LMNB2: variants seen among roughly 807,000 people sequenced by gnomAD.
LMNB2 encodes lamin-B2.
LMNB2 carries 17 observed loss-of-function variants against 69.3 expected under a neutral mutation model. That is an observed-to-expected ratio of 0.25 (90% CI 0.17 to 0.37). The LOEUF (loss-of-function observed/expected upper bound fraction) is 0.37. Among genes scored for constraint, LMNB2 ranks in the 10% least tolerant of loss-of-function variants. The pLI, the probability that LMNB2 is intolerant of heterozygous loss-of-function variation, is 1.00. For missense variants in LMNB2, 789 were observed against 883.6 expected (o/e 0.89, Z 1.36); for synonymous variants, 397 against 389.3 (o/e 1.02, Z -0.23).
In LMNB2 at chr19:2,447,576, C is replaced by T. The variant is rs1339843143; in HGVS notation, c.265-3036G>A. Among the ~76,000 whole-genome samples the T allele has an allele frequency of 6.6e-6, 1 of 152,166 alleles. No individual in the cohort carries two copies. Among genetic ancestry groups the T allele is most frequent in the Non-Finnish European group, 1.5e-5 (1 of 68,020 alleles). ...CTTATGAGGCGGGAATTAACTGCTC[C>T]GGCTCTGGCGCTGAGGAAAAGGAGG... On this transcript the variant is annotated intron_variant, in intron 1 of 11. Transcript: ENST00000325327. The surrounding 1 kb of genome is among the most constrained non-coding windows in gnomAD (Gnocchi z 4.4).
chr19:2,431,425 A>T, intron 11 of LMNB2, 123 bp downstream of exon 11: 2 of 1,274,398 alleles, frequency 1.6e-6, no homozygotes, highest in Non-Finnish European at 2.3e-6. Context: ...CTTCACCCTG[A>T]GCCACGGCAG....
intron 4 of LMNB2, among the ~76,000 whole-genome samples, chr19:2,435,562 G>A (rs1243061570): frequency 6.6e-6 from 1 of 152,182 alleles, no homozygotes; most frequent in Non-Finnish European, 1.5e-5. Flanking sequence ...CTGCTGATGG[G>A]GAGGGGGTTC....
intron 2 of LMNB2, among the ~76,000 whole-genome samples, chr19:2,442,589 T>G (rs906573352): frequency 7.2e-5 from 11 of 151,744 alleles, no homozygotes; most frequent in African/African-American, 2.7e-4. Context: ...AAATAAAAAA[T>G]AAAAAAAATT....
At position 2,455,875 on chromosome 19, in the gene LMNB2, G is replaced by A. The variant is rs1402193189; in HGVS notation, c.264+795C>T. ...CCTGCTCAGGGTCCCCCGTGATCGC[G>A]TACTCCGCGGTGGGCTGGGCCTGGC... On this transcript the variant is annotated intron_variant, in intron 1 of 11. Transcript: ENST00000325327. 2.0e-5 allele frequency among the ~76,000 whole-genome samples: 3 copies of A among 151,584 alleles called. No homozygotes were observed. The East Asian group carries it at 5.9e-4, about 30-fold the overall frequency.
At chr19:2,432,333 C>T (rs1321433248) in intron 9 of LMNB2, 83 bp downstream of exon 9, 17 of 906,200 alleles carry the variant, frequency 1.9e-5, no homozygotes, top group African/African-American at 8.2e-5. Flanking sequence ...CACCCACCCC[C>T]GCCAAGTCCT....
chr19:2,438,020 C>A (rs947901258), intron 4 of LMNB2, 143 bp downstream of exon 4: 21 of 1,249,882 alleles, frequency 1.7e-5, no homozygotes, highest in African/African-American at 1.2e-4. Context: ...GCCAAGGGCA[C>A]CCTAAGAGGC....
At chr19:2,432,391 C>A in intron 9 of LMNB2, 25 bp downstream of exon 9, 1 of 1,598,384 alleles carries the variant, frequency 6.3e-7, no homozygotes, top group Non-Finnish European at 8.5e-7. Flanking sequence ...CGTGGCCACC[C>A]TCGCCCTCCT....
At chr19:2,449,893 T>C (rs1421276454) in intron 1 of LMNB2, among the ~76,000 whole-genome samples, 2 of 151,860 alleles carry the variant, frequency 1.3e-5, no homozygotes, top group Non-Finnish European at 2.9e-5. Flanking sequence ...CTGACCAACA[T>C]GGAGAAACCC....
intron 2 of LMNB2, among the ~76,000 whole-genome samples, chr19:2,439,242 C>T (rs778321156): frequency 1.3e-5 from 2 of 151,906 alleles, no homozygotes; most frequent in African/African-American, 2.4e-5. Flanking sequence ...TACCCCCTCC[C>T]GACAGGGAAC....
At chr19:2,434,640 C>T (rs1971796997) in intron 6 of LMNB2, 125 bp from the exon 7 acceptor site, 7 of 1,494,756 alleles carry the variant, frequency 4.7e-6, no homozygotes, top group Admixed American at 2.0e-5. Context: ...GGGCATGGGG[C>T]GCACGGGAGG....
intron 10 of LMNB2, 24 bp downstream of exon 10, chr19:2,431,759 A>T (rs765459080): frequency 6.2e-7 from 1 of 1,612,042 alleles, no homozygotes. Flanking sequence ...CCAGCCGAGC[A>T]CCCCCCAAGC....
In LMNB2 at chr19:2,447,345, A is replaced by G. The variant is rs930159868; in HGVS notation, c.265-2805T>C. Among the ~76,000 whole-genome samples the G allele has an allele frequency of 4.6e-5, 7 of 152,190 alleles. No homozygotes were observed. The highest frequency in any genetic ancestry group is 3.9e-4 in the Admixed American group (6 of 15,278). ...AAAACGCCACACAGTGTGTAATCCC[A>G]TTTCCATGAAATGTCCAGGTCAGGC... is the stretch of plus-strand genomic sequence containing the variant. On this transcript the variant is annotated intron_variant, in intron 1 of 11. Coordinates refer to ENST00000325327, the MANE Select transcript of LMNB2 (RefSeq NM_032737.4). The surrounding 1 kb of genome is among the most constrained non-coding windows in gnomAD (Gnocchi z 4.4).
Position 2,435,106 on chromosome 19 carries a change from C to T in LMNB2, c.750G>A (p.Gln250=). ...RLVEVDSSRQ[Q]EYDFKMAQAL... The stretch of plus-strand genomic sequence containing the variant: ...CCTGTGCCATCTTGAAGTCGTACTC[C>T]TGCTGCCGGCTGCTGTCCACCTCCA... The change falls in exon 5 of 12, where the codon CAG becomes CAA. Residue 250 remains glutamine (Q), a synonymous_variant. Transcript: ENST00000325327. 6.2e-7 allele frequency: 1 copy of T among 1,608,882 alleles called. No homozygotes were observed. Among genetic ancestry groups the T allele is most frequent in the South Asian group, 1.1e-5 (1 of 91,082 alleles).
At chr19:2,432,133 C>G (rs1024816161) in intron 9 of LMNB2, among the ~76,000 whole-genome samples, 1 of 152,146 alleles carries the variant, frequency 6.6e-6, no homozygotes, top group African/African-American at 2.4e-5. Flanking sequence ...CTGACACCCA[C>G]CAGGCTCCAT....
In LMNB2 at chr19:2,434,772, G is replaced by C. The variant is rs1157971397; in HGVS notation, c.981+16C>G. 1 of 1,598,772 alleles carries C rather than the reference G, an allele frequency of 6.3e-7. No homozygotes were observed. The highest frequency in any genetic ancestry group is 1.7e-5 in the Admixed American group (1 of 58,234). On this transcript the variant is annotated intron_variant, in intron 6 of 11. Transcript: ENST00000325327. ...TGGGCCAGGGGGACGGCAGACGGTG[G>C]CGCTGTGCTCATCACCTGCTTCTGG...
chr19:2,430,920 G>A lies in LMNB2; in HGVS notation c.1854C>T (p.Tyr618=), dbSNP rs377605893. The A allele has an allele frequency of 3.6e-5, 58 of 1,605,044 alleles. No homozygotes were observed. Among genetic ancestry groups the A allele is most frequent in the African/African-American group, 4.0e-5 (3 of 74,698 alleles). The change falls in exon 12 of 12, where the codon TAC becomes TAT. Residue 618 remains tyrosine (Y), a synonymous_variant. Coordinates refer to ENST00000325327, the MANE Select transcript of LMNB2 (RefSeq NM_032737.4). ...GDPRTTSRGC[Y]VM is the part of the protein sequence containing the mutation. ...GATGAGGAGTGTGGGTTCACATCAC[G>A]TAGCAGCCTCTTGAGGTGGTCCTCG...
In LMNB2 at chr19:2,431,870, G is replaced by A. The variant is rs767477477; in HGVS notation, c.1623C>T (p.Ser541=). ...VWAAGAGVAH[S]PPSTLVWKGQ... The stretch of plus-strand genomic sequence containing the variant: ...CCTTCCACACCAGCGTCGAGGGGGG[G>A]CTGTGGGCCACCCCCGCACCAGCTG... Residue 541 remains serine, a synonymous_variant, in exon 10 of 12, where the codon AGC becomes AGT. Coordinates refer to ENST00000325327, the MANE Select transcript of LMNB2 (RefSeq NM_032737.4). 4.3e-6 allele frequency: 7 copies of A among 1,612,798 alleles called. No homozygotes were observed. Among genetic ancestry groups the A allele is most frequent in the Non-Finnish European group, 5.1e-6 (6 of 1,179,894 alleles).
In LMNB2 at chr19:2,456,767, C is replaced by A; in HGVS notation, c.167G>T (p.Arg56Leu). ...GACGCGGTCGATGTAGTGCGCCAGG[C>A]GGTCGTTGAGCTCGCGCAGCTCCTC... is the stretch of plus-strand genomic sequence containing the variant. ...EKEELRELND[R>L]LAHYIDRVRA... Residue 56 changes from arginine to leucine, a missense_variant, in exon 1 of 12, where the codon CGC becomes CTC. Physicochemically the swap from Arg to Leu is moderately radical, Grantham distance 102. This residue lies in a region of LMNB2 where 145 missense variants were observed against 228.9 expected (regional missense o/e 0.63). Coordinates refer to ENST00000325327, the MANE Select transcript of LMNB2 (RefSeq NM_032737.4). 6.5e-7 allele frequency: 1 copy of A among 1,548,868 alleles called. No homozygotes were observed. The highest frequency in any genetic ancestry group is 1.2e-5 in the South Asian group (1 of 85,354).
chr19:2,451,370 A>C (rs1407488058), intron 1 of LMNB2, among the ~76,000 whole-genome samples: 1 of 152,190 alleles, frequency 6.6e-6, no homozygotes, highest in Non-Finnish European at 1.5e-5. Flanking sequence ...CCACTTATTC[A>C]CCTATGGGCT....
Sources: allele counts gnomAD v4.1 joint callset (sites outside exome capture counted in the v4.1 genomes callset), GRCh38; gene constraint gnomAD v4.1.1; regional missense constraint gnomAD v4.1.1; non-coding constraint Gnocchi (gnomAD v3.1); transcripts MANE v1.5; gene names NCBI Gene and HGNC (gene_info 2026-07-23, HGNC 2026-07-21).